Variants in FRRS1 observed in about 807,000 individuals in gnomAD.
FRRS1 encodes the protein ferric chelate reductase 1.
A neutral mutation model predicts 70.7 loss-of-function variants in FRRS1; 51 were observed. The ratio of observed to expected loss-of-function variants is 0.72; its 90% confidence interval spans 0.58 to 0.91. FRRS1 has a LOEUF of 0.91. Ranked by LOEUF, FRRS1 falls within the 40% of genes least tolerant of loss-of-function variation. The pLI, the probability that FRRS1 is intolerant of heterozygous loss-of-function variation, is 0.00. For synonymous variants in FRRS1, 225 were observed against 238.7 expected (o/e 0.94, Z 0.53); for missense variants, 672 against 726.0 (o/e 0.93, Z 0.86).
At chr1:99,729,881 G>A in intron 7 of FRRS1, 133 bp from the exon 8 acceptor site, 1 of 621,304 alleles carries the variant, frequency 1.6e-6, no homozygotes, top group Non-Finnish European at 2.9e-6. Flanking sequence ...AATCATGAAT[G>A]ATGCTATGAA....
At position 99,729,675 on chromosome 1, in the gene FRRS1, C is replaced by T. The variant is rs112965495; in HGVS notation, c.833G>A (p.Arg278Gln). ...CCTGGAGTCCATTACAGGGTGACTTCGCCCCGTTAAATGGGAAGGCTGGAT... is the reference window on the plus strand; with the variant it reads ...CCTGGAGTCCATTACAGGGTGACTTTGCCCCGTTAAATGGGAAGGCTGGAT... ...VYIQPSHLTG[R>Q]SHPVMDSRDT... The change falls in exon 8 of 17, where the codon CGA becomes CAA. Residue 278 changes from arginine to glutamine, a missense_variant. Coordinates refer to ENST00000646001, the MANE Select transcript of FRRS1 (RefSeq NM_001361041.2). 240 of 1,612,706 alleles carry T rather than the reference C, an allele frequency of 1.5e-4. 1 individual carries two copies. The highest frequency in any genetic ancestry group is 1.6e-4 in the African/African-American group (12 of 75,004).
intron 7 of FRRS1, among the ~76,000 whole-genome samples, chr1:99,731,229 T>G (rs1655366731): frequency 6.6e-6 from 1 of 152,214 alleles, no homozygotes; most frequent in South Asian, 2.1e-4. Flanking sequence ...TCACTTGGTT[T>G]CTCCATAAAC....
intron 15 of FRRS1, 91 bp downstream of exon 15, chr1:99,710,715 A>G: frequency 9.2e-7 from 1 of 1,090,324 alleles, no homozygotes; most frequent in Non-Finnish European, 1.3e-6. Context: ...CTAACAATGT[A>G]GCAGTCAGCC....
At chr1:99,719,398 A>C in intron 10 of FRRS1, 136 bp downstream of exon 10, 2 of 526,822 alleles carry the variant, frequency 3.8e-6, no homozygotes, top group Non-Finnish European at 6.4e-6. Flanking sequence ...ACAGAGCGAG[A>C]CTCCATCTCA....
In FRRS1 at chr1:99,704,789, A is replaced by G. The variant is rs984267850; in HGVS notation, c.*4239T>C. Among the ~76,000 whole-genome samples, 2 of 152,090 alleles carry G rather than the reference A, an allele frequency of 1.3e-5. No individual in the cohort carries two copies. Among genetic ancestry groups the G allele is most frequent in the African/African-American group, 4.8e-5 (2 of 41,422 alleles). On this transcript the variant is annotated 3_prime_UTR_variant, in exon 17 of 17. Coordinates refer to ENST00000646001, the MANE Select transcript of FRRS1 (RefSeq NM_001361041.2). ...GATCCCAGCATGCCGACAGGCCACG[A>G]CTGGCGGAAGGAGGAACAGTTGGCG... is the stretch of plus-strand genomic sequence containing the variant.
intron 4 of FRRS1, 64 bp downstream of exon 4, chr1:99,747,230 C>T: frequency 7.5e-7 from 1 of 1,334,604 alleles, no homozygotes; most frequent in African/African-American, 1.5e-5. Context: ...TTTCCAATTT[C>T]CCCAGGGGTG....
chr1:99,743,531 A>G (rs1656077929), intron 4 of FRRS1, among the ~76,000 whole-genome samples: 1 of 152,264 alleles, frequency 6.6e-6, no homozygotes, highest in African/African-American at 2.4e-5. Context: ...ATCATTTACT[A>G]CCATAAAATA....
rs1315851735 is a variant in FRRS1 at position 99,748,583 on chromosome 1, A to G, written c.186T>C (p.Asp62=). The G allele has an allele frequency of 1.9e-6, 3 of 1,613,466 alleles. No homozygotes were observed. In the African/African-American group the frequency reaches 4.0e-5, roughly 22 times the overall value. Residue 62 remains aspartate (D), a synonymous_variant, in exon 3 of 17, where the codon GAT becomes GAC. Transcript: ENST00000646001. ...ATCCCAGCACGGTACCTTCAATCTG[A>G]TCTCCTGGCCTGAATGTCATCTGAC... The part of the protein sequence containing the change: ...YVSQMTFRPG[D]QIEVTLSGHP...
intron 4 of FRRS1, among the ~76,000 whole-genome samples, chr1:99,742,686 G>A (rs570684382): frequency 1.3e-5 from 2 of 152,254 alleles, no homozygotes; most frequent in East Asian, 3.9e-4. Flanking sequence ...CCTTTCTCCA[G>A]AACAATCTTG....
intron 12 of FRRS1, among the ~76,000 whole-genome samples, chr1:99,712,918 A>G (rs1390711353): frequency 7.3e-6 from 1 of 137,016 alleles, no homozygotes; most frequent in Non-Finnish European, 1.5e-5. Context: ...GTTTTTTTTC[A>G]AGTATTTTAA....
intron 4 of FRRS1, 124 bp from the exon 5 acceptor site, chr1:99,742,397 A>G (rs1656014383): frequency 4.8e-6 from 3 of 623,610 alleles, no homozygotes; most frequent in Admixed American, 5.3e-5. Flanking sequence ...AGACTATTTT[A>G]TTTAGAAGAA....
intron 7 of FRRS1, among the ~76,000 whole-genome samples, chr1:99,737,138 A>C (rs1338339424): frequency 1.3e-5 from 2 of 152,096 alleles, no homozygotes; most frequent in African/African-American, 4.8e-5. Context: ...CGTCCTGGCC[A>C]CAATACTCTT....
At chr1:99,761,775 C>A (rs1657121563) in intron 1 of FRRS1, among the ~76,000 whole-genome samples, 1 of 147,134 alleles carries the variant, frequency 6.8e-6, no homozygotes, top group Non-Finnish European at 1.5e-5. Flanking sequence ...GAAACTGAAG[C>A]TCACAGAGCT....
intron 12 of FRRS1, 33 bp from the exon 13 acceptor site, chr1:99,712,548 A>G: frequency 1.7e-6 from 2 of 1,175,410 alleles, no homozygotes; most frequent in East Asian, 2.4e-5. Context: ...AATGGCCTCA[A>G]TCTCTCTCAT....
At chr1:99,720,469 A>G (rs1343772851) in intron 9 of FRRS1, among the ~76,000 whole-genome samples, 1 of 152,194 alleles carries the variant, frequency 6.6e-6, no homozygotes, top group Non-Finnish European at 1.5e-5. Flanking sequence ...TGCTGCATCA[A>G]AAATGAGACA....
At chr1:99,738,508 A>G (rs1655791395) in intron 6 of FRRS1, among the ~76,000 whole-genome samples, 2 of 152,166 alleles carry the variant, frequency 1.3e-5, no homozygotes, top group Non-Finnish European at 2.9e-5. Context: ...GAAAACATAC[A>G]CTTGTTGGGC....
At chr1:99,729,561 G>A (rs1655245446) in intron 8 of FRRS1, 89 bp downstream of exon 8, 5 of 783,130 alleles carry the variant, frequency 6.4e-6, no homozygotes, top group South Asian at 1.6e-5. Context: ...GGGGGTTGGA[G>A]GCAATCTAGC....
chr1:99,738,666 C>T (rs1381821273), intron 6 of FRRS1, among the ~76,000 whole-genome samples: 1 of 152,026 alleles, frequency 6.6e-6, no homozygotes, highest in African/African-American at 2.4e-5. Context: ...ACGTTCCTGC[C>T]TAAAGGGTAT....
intron 1 of FRRS1, among the ~76,000 whole-genome samples, chr1:99,764,814 A>G (rs977655584): frequency 3.9e-5 from 6 of 152,234 alleles, no homozygotes; most frequent in African/African-American, 1.4e-4. Flanking sequence ...ATCTAGCACA[A>G]TGACCACCAT....
Sources: allele counts gnomAD v4.1 joint callset (sites outside exome capture counted in the v4.1 genomes callset), GRCh38; gene constraint gnomAD v4.1.1; transcripts MANE v1.5; gene names NCBI Gene and HGNC (gene_info 2026-07-23, HGNC 2026-07-21).